Variants in APBB1IP observed in about 807,000 individuals in gnomAD.
The protein encoded by APBB1IP is amyloid beta A4 precursor protein-binding family B member 1-interacting protein.
In APBB1IP, 27 loss-of-function variants were observed where a neutral mutation model predicts 64.9. The ratio of observed to expected loss-of-function variants is 0.42; its 90% confidence interval spans 0.31 to 0.57. APBB1IP has a LOEUF of 0.57. Among genes scored for constraint, APBB1IP ranks in the 20% least tolerant of loss-of-function variants. The pLI is 0.20. For synonymous variants in APBB1IP, 392 were observed against 331.0 expected (o/e 1.18, Z -2.00); for missense variants, 812 against 845.5 (o/e 0.96, Z 0.49).
At chr10:26,454,639 G>T (rs1564349250) in intron 2 of APBB1IP, among the ~76,000 whole-genome samples, 1 of 152,070 alleles carries the variant, frequency 6.6e-6, no homozygotes, top group East Asian at 1.9e-4. Context: ...GAATGAATAA[G>T]ACCTAGTATT....
chr10:26,460,719 A>G (rs886767259), intron 2 of APBB1IP, among the ~76,000 whole-genome samples: 7 of 152,320 alleles, frequency 4.6e-5, no homozygotes, highest in East Asian at 3.9e-4. Context: ...TACACACTGC[A>G]TGTTCTCACT....
In APBB1IP at chr10:26,468,029, T is replaced by C. The variant is rs141897157; in HGVS notation, c.1-24298T>C. On this transcript the variant is annotated intron_variant, in intron 2 of 14. Transcript: ENST00000376236. Reference sequence around the variant, plus strand: ...TTGCACCCATTATTTTATGGAATCCTTACAAAGCCCACTGAAATATTCCAA... The same window carrying C: ...TTGCACCCATTATTTTATGGAATCCCTACAAAGCCCACTGAAATATTCCAA... Among the ~76,000 whole-genome samples, 158 of 152,326 alleles carry C rather than the reference T, an allele frequency of 1.0e-3. 1 individual carries two copies. Among genetic ancestry groups the C allele is most frequent in the Middle Eastern group, 0.01 (3 of 294 alleles).
chr10:26,560,830 C>G lies in APBB1IP; in HGVS notation c.1355C>G (p.Ala452Gly), dbSNP rs1023148405. The G allele has an allele frequency of 3.8e-6, 6 of 1,597,148 alleles. No homozygotes were observed. The highest frequency in any genetic ancestry group is 5.1e-6 in the Non-Finnish European group (6 of 1,172,216). The change falls in exon 13 of 15, where the codon GCT becomes GGT. Residue 452 changes from alanine (A) to glycine (G), a missense_variant. Around this residue, in one of 3 missense-constraint regions of APBB1IP, gnomAD observed 381 missense variants for 352.1 expected, o/e 1.08. Coordinates refer to ENST00000376236, the MANE Select transcript of APBB1IP (RefSeq NM_019043.4). ...GGGACAGTCAATGCAGCTGCACCAG[C>G]TCAGCCATCTACAGGTACTAAGTGG... Reference protein sequence around the residue: ...NLGTVNAAAPAQPSTGPKTGT... With the variant: ...NLGTVNAAAPGQPSTGPKTGT...
intron 6 of APBB1IP, among the ~76,000 whole-genome samples, chr10:26,506,782 C>G (rs2132442068): frequency 6.6e-6 from 1 of 152,208 alleles, no homozygotes; most frequent in East Asian, 1.9e-4. Context: ...GTGAACAAGT[C>G]AAGTGTGGTC....
rs1836619126 is a variant in APBB1IP at position 26,536,078 on chromosome 10, G to C, written c.905G>C (p.Ser302Thr). ...AKNKESLLEE[S>T]FCGTSIIVPE... ...TCGTCGGAATCTCACTTTCAGGAAA[G>C]TTTCTGTGGAACATCTATCATTGTA... The change falls in exon 10 of 15, where the codon AGT (serine) becomes ACT (threonine). Residue 302 changes from serine (S) to threonine (T), a missense_variant. By Grantham distance (58) the Ser-to-Thr change is moderately conservative (BLOSUM62 1). Coordinates refer to ENST00000376236, the MANE Select transcript of APBB1IP (RefSeq NM_019043.4). 3 of 1,583,812 alleles carry C rather than the reference G, an allele frequency of 1.9e-6. No individual in the cohort carries two copies. In the East Asian group the frequency reaches 6.7e-5, roughly 36 times the overall value.
intron 5 of APBB1IP, chr10:26,501,430 G>A (rs7922296): frequency 9.7e-6 from 5 of 516,074 alleles, no homozygotes; most frequent in African/African-American, 9.4e-5. Context: ...ATGTGGAACT[G>A]ATTATATATT....
chr10:26,504,500 A>G (rs1836147690), intron 6 of APBB1IP, among the ~76,000 whole-genome samples: 1 of 152,168 alleles, frequency 6.6e-6, no homozygotes, highest in African/African-American at 2.4e-5. Flanking sequence ...ACCTGAGGTC[A>G]GGAGTTTAAG....
At chr10:26,448,747 C>T (rs1038230802) in intron 2 of APBB1IP, among the ~76,000 whole-genome samples, 9 of 152,152 alleles carry the variant, frequency 5.9e-5, no homozygotes, top group Middle Eastern at 3.2e-3. Context: ...TTTTTATCCT[C>T]TTTCTCCCCC....
chr10:26,554,704 C>T (rs1387396840), intron 11 of APBB1IP, among the ~76,000 whole-genome samples: 1 of 152,116 alleles, frequency 6.6e-6, no homozygotes, highest in Admixed American at 6.5e-5. Context: ...GCCTCAGCCT[C>T]CCAAGTAGCT....
intron 8 of APBB1IP, among the ~76,000 whole-genome samples, chr10:26,516,218 G>T (rs1308298481): frequency 6.6e-6 from 1 of 152,056 alleles, no homozygotes; most frequent in African/African-American, 2.4e-5. Flanking sequence ...GAAACAGTCT[G>T]TGGTCTGTGC....
chr10:26,495,502 C>G (rs1323612034), intron 3 of APBB1IP, among the ~76,000 whole-genome samples: 1 of 151,424 alleles, frequency 6.6e-6, no homozygotes, highest in Non-Finnish European at 1.5e-5. Flanking sequence ...GGCATGATGG[C>G]TCACACCTGT....
chr10:26,565,430 G>T (rs1461069936), intron 14 of APBB1IP, among the ~76,000 whole-genome samples: 2 of 152,194 alleles, frequency 1.3e-5, no homozygotes, highest in South Asian at 2.1e-4. Context: ...GCTGAGGGTG[G>T]TTTATAGACT....
intron 2 of APBB1IP, among the ~76,000 whole-genome samples, chr10:26,480,494 T>C (rs1318427483): frequency 2.6e-5 from 4 of 151,540 alleles, no homozygotes; most frequent in African/African-American, 9.7e-5. Flanking sequence ...CAGGAGGGAG[T>C]GATCAATAAT....
At chr10:26,561,471 A>T (rs1199021510) in intron 13 of APBB1IP, among the ~76,000 whole-genome samples, 1 of 150,648 alleles carries the variant, frequency 6.6e-6, no homozygotes, top group Non-Finnish European at 1.5e-5. Context: ...CCTTTTAACA[A>T]AGCTTTGACC....
chr10:26,536,084 G>C lies in APBB1IP; in HGVS notation c.911G>C (p.Cys304Ser). The C allele has an allele frequency of 6.3e-7, 1 of 1,585,488 alleles. No individual in the cohort carries two copies. Among genetic ancestry groups the C allele is most frequent in the Non-Finnish European group, 8.5e-7 (1 of 1,171,036 alleles). The change falls in exon 10 of 15, where the codon TGT (cysteine) becomes TCT (serine). Residue 304 changes from cysteine (C) to serine (S), a missense_variant. Cys to Ser is a moderately radical substitution (Grantham distance 112). Transcript: ENST00000376236. The part of the protein sequence containing the change: ...NKESLLEESF[C>S]GTSIIVPELE... The stretch of plus-strand genomic sequence containing the variant: ...GAATCTCACTTTCAGGAAAGTTTCT[G>C]TGGAACATCTATCATTGTACCAGAA...
At chr10:26,534,193 G>A (rs1436484650) in intron 9 of APBB1IP, among the ~76,000 whole-genome samples, 2 of 147,310 alleles carry the variant, frequency 1.4e-5, no homozygotes, top group South Asian at 2.1e-4. Context: ...TCGCATGGGG[G>A]CACACACCTG....
chr10:26,504,957 T>A (rs1836156266), intron 6 of APBB1IP, among the ~76,000 whole-genome samples: 1 of 152,054 alleles, frequency 6.6e-6, no homozygotes, highest in Non-Finnish European at 1.5e-5. Context: ...GGCCTCCCTA[T>A]GTTGCCTAGG....
At chr10:26,462,107 G>A (rs935934790) in intron 2 of APBB1IP, among the ~76,000 whole-genome samples, 9 of 152,178 alleles carry the variant, frequency 5.9e-5, no homozygotes, top group African/African-American at 1.9e-4. Context: ...TGTTTACGTA[G>A]TGTCTACAAC....
At chr10:26,485,167 A>C (rs1285375871) in intron 2 of APBB1IP, among the ~76,000 whole-genome samples, 1 of 152,252 alleles carries the variant, frequency 6.6e-6, no homozygotes, top group Non-Finnish European at 1.5e-5. Flanking sequence ...TGGAAATAGC[A>C]TTGGAAAAAT....
Sources: allele counts gnomAD v4.1 joint callset (sites outside exome capture counted in the v4.1 genomes callset), GRCh38; gene constraint gnomAD v4.1.1; regional missense constraint gnomAD v4.1.1; transcripts MANE v1.5; gene names NCBI Gene and HGNC (gene_info 2026-07-23, HGNC 2026-07-21).